BRWD3: variants seen among roughly 807,000 people sequenced by gnomAD.
BRWD3 encodes bromodomain and WD repeat-containing protein 3.
BRWD3 carries 10 observed loss-of-function variants against 149.7 expected under a neutral mutation model. The ratio of observed to expected loss-of-function variants is 0.07; its 90% CI spans 0.04 to 0.11. BRWD3 has a LOEUF of 0.11. Among genes scored for constraint, BRWD3 ranks in the 10% least tolerant of loss-of-function variants. BRWD3 has a pLI of 1.00. For synonymous variants in BRWD3, 504 were observed against 456.7 expected (o/e 1.10, Z -1.32); for missense variants, 940 against 1,373.2 (o/e 0.68, Z 4.99).
intron 6 of BRWD3, among the ~76,000 whole-genome samples, chrX:80,746,166 T>C (rs1276596393): frequency 1.8e-5 from 2 of 110,271 alleles, no homozygotes; most frequent in Non-Finnish European, 3.8e-5. Flanking sequence ...CTATCCACCA[T>C]ATGTATGACT....
intron 17 of BRWD3, among the ~76,000 whole-genome samples, chrX:80,722,226 C>T (rs2073161522): frequency 8.9e-6 from 1 of 111,902 alleles, no homozygotes; most frequent in Non-Finnish European, 1.9e-5. Context: ...ATACGATAAG[C>T]AGTGGAATTC....
At chrX:80,728,585 CGT>C (rs1455478056) in intron 14 of BRWD3, among the ~76,000 whole-genome samples, 165 bp downstream of exon 14, 1 of 111,274 alleles carries the variant, frequency 9.0e-6, no homozygotes, top group Non-Finnish European at 1.9e-5. Flanking sequence ...AGGTATAGCG[CGT>C]GTCATCCCTA....
intron 20 of BRWD3, among the ~76,000 whole-genome samples, chrX:80,711,646 C>A (rs1321334122): frequency 8.9e-6 from 1 of 112,174 alleles, no homozygotes; most frequent in Non-Finnish European, 1.9e-5. Context: ...CTAGAGGCTT[C>A]TTCTGCGTAA....
At chrX:80,704,592 A>AAC in intron 23 of BRWD3, 86 bp downstream of exon 23, 1 of 867,933 alleles carries the variant, frequency 1.2e-6, no homozygotes, top group South Asian at 2.4e-5. Flanking sequence ...TTTTAGAGAA[A>AAC]AGTCAATGTT....
chrX:80,684,717 T>C (rs773243563), intron 36 of BRWD3, among the ~76,000 whole-genome samples: 5 of 111,462 alleles, frequency 4.5e-5, no homozygotes, highest in Non-Finnish European at 9.4e-5. Flanking sequence ...CATAATTCAT[T>C]TGATTTTGAT....
At chrX:80,696,676 T>A in intron 26 of BRWD3, 63 bp downstream of exon 26, 1 of 1,163,278 alleles carries the variant, frequency 8.6e-7, no homozygotes, top group Non-Finnish European at 1.2e-6. Context: ...CACTGTACTC[T>A]AAAATATACA....
At chrX:80,804,485 G>C (rs765850466) in intron 4 of BRWD3, among the ~76,000 whole-genome samples, 59 of 111,643 alleles carry the variant, frequency 5.3e-4, no homozygotes, top group African/African-American at 1.8e-3. Context: ...TGATCCGCCT[G>C]CCTCAGTCTC....
intron 21 of BRWD3, 66 bp downstream of exon 21, chrX:80,709,362 C>A (rs1279858478): frequency 2.0e-6 from 2 of 1,021,888 alleles, no homozygotes; most frequent in South Asian, 4.6e-5. Flanking sequence ...GACCCTTAAA[C>A]CCAAATGGAT....
intron 6 of BRWD3, among the ~76,000 whole-genome samples, chrX:80,761,492 G>A (rs1430852543): frequency 9.0e-6 from 1 of 111,700 alleles, no homozygotes; most frequent in African/African-American, 3.3e-5. Flanking sequence ...GGCAAAAAGT[G>A]GTAATCAGGT....
At chrX:80,712,414 G>T (rs1450445165) in intron 20 of BRWD3, among the ~76,000 whole-genome samples, 3 of 110,719 alleles carry the variant, frequency 2.7e-5, no homozygotes, top group Admixed American at 1.9e-4. Context: ...GCCTCCCGAG[G>T]TGCCGGGATT....
At position 80,673,198 on chromosome X, in the gene BRWD3, C is replaced by G. The variant is rs967310623; in HGVS notation, c.*3411G>C. 1.8e-5 allele frequency: 2 copies of G among 111,166 alleles called. No homozygotes were observed. The highest frequency in any genetic ancestry group is 6.5e-5 in the African/African-American group (2 of 30,581). The allele number at this position is 111,166 out of a possible 1,213,427, so 9.2% of individuals were successfully genotyped here. On this transcript the variant is annotated 3_prime_UTR_variant, in exon 41 of 41. Coordinates refer to ENST00000373275, the MANE Select transcript of BRWD3 (RefSeq NM_153252.5). ...GCAGAATGAGATTTCTAATTTTACTCAGTTACTTTGTTACTTTGCATCTGC... is the reference window on the plus strand; with the variant it reads ...GCAGAATGAGATTTCTAATTTTACTGAGTTACTTTGTTACTTTGCATCTGC...
chrX:80,751,554 T>G (rs192934857), intron 6 of BRWD3, among the ~76,000 whole-genome samples: 1 of 112,215 alleles, frequency 8.9e-6, no homozygotes, highest in East Asian at 2.8e-4. Flanking sequence ...AAAATACATT[T>G]TTTTAAAACT....
intron 8 of BRWD3, among the ~76,000 whole-genome samples, chrX:80,741,813 C>T (rs941856177): frequency 9.0e-6 from 1 of 111,664 alleles, no homozygotes; most frequent in African/African-American, 3.3e-5. Context: ...GATATTAGCC[C>T]TTTGTCAGAT....
chrX:80,762,990 G>A (rs1400619499), intron 6 of BRWD3, among the ~76,000 whole-genome samples: 1 of 110,367 alleles, frequency 9.1e-6, no homozygotes, highest in Non-Finnish European at 1.9e-5. Flanking sequence ...AATAGTGATC[G>A]CTACTATAAA....
chrX:80,712,918 G>A (rs868833982), intron 20 of BRWD3, among the ~76,000 whole-genome samples: 12 of 94,293 alleles, frequency 1.3e-4, no homozygotes, highest in African/African-American at 3.6e-4. Context: ...CCCGGCAGCC[G>A]CCCCGTCTGA....
intron 4 of BRWD3, among the ~76,000 whole-genome samples, chrX:80,795,197 T>C (rs2074224112): frequency 9.0e-6 from 1 of 111,174 alleles, no homozygotes; most frequent in Non-Finnish European, 1.9e-5. Flanking sequence ...AGGTGTTTCA[T>C]AAATACTTAA....
At chrX:80,721,340 T>C (rs2073147265) in intron 17 of BRWD3, among the ~76,000 whole-genome samples, 1 of 111,721 alleles carries the variant, frequency 9.0e-6, no homozygotes, top group Admixed American at 9.5e-5. Context: ...TCCCATTTAA[T>C]TAATATTCAC....
intron 8 of BRWD3, among the ~76,000 whole-genome samples, chrX:80,741,178 C>A (rs768796177): frequency 1.8e-4 from 20 of 110,533 alleles, no homozygotes; most frequent in Non-Finnish European, 3.4e-4. Context: ...TTTGTCCTTG[C>A]GATAGTTTGC....
At chrX:80,691,755 AC>A in intron 30 of BRWD3, 67 bp downstream of exon 30, 1 of 1,157,855 alleles carries the variant, frequency 8.6e-7, no homozygotes, top group Non-Finnish European at 1.2e-6. Context: ...CTTCTGTAGA[AC>A]TTAAAACTTC....
Sources: allele counts gnomAD v4.1 joint callset (sites outside exome capture counted in the v4.1 genomes callset), GRCh38; gene constraint gnomAD v4.1.1; transcripts MANE v1.5; gene names NCBI Gene and HGNC (gene_info 2026-07-23, HGNC 2026-07-21).